The following ZNF804A variants were observed in gnomAD, a reference collection of about 807,000 sequenced individuals.
ZNF804A encodes the protein zinc finger protein 804A.
Under a neutral mutation model 16.5 loss-of-function variants are expected in ZNF804A, and 2 were observed. That is an observed-to-expected ratio of 0.12 (90% CI 0.05 to 0.38). The LOEUF is 0.38. Among genes scored for constraint, ZNF804A ranks in the 10% least tolerant of loss-of-function variants. ZNF804A has a pLI of 0.99. For missense variants in ZNF804A, 1,473 were observed against 1,390.7 expected (o/e 1.06, Z -0.94); for synonymous variants, 534 against 489.6 (o/e 1.09, Z -1.20).
At chr2:184,607,491 C>T (rs1339035582) in intron 1 of ZNF804A, among the ~76,000 whole-genome samples, 3 of 151,836 alleles carry the variant, frequency 2.0e-5, no homozygotes, top group Admixed American at 6.6e-5. Context: ...GAGAAAAGCC[C>T]CTTATAAAAC....
chr2:184,791,561 C>A (rs1694544798), intron 1 of ZNF804A, among the ~76,000 whole-genome samples: 1 of 151,776 alleles, frequency 6.6e-6, no homozygotes, highest in African/African-American at 2.4e-5. Flanking sequence ...GTTTTAGGTT[C>A]ACAGCAAAAT....
chr2:184,733,493 A>G (rs189882534), intron 1 of ZNF804A, among the ~76,000 whole-genome samples: 117 of 152,160 alleles, frequency 7.7e-4, no homozygotes, highest in Non-Finnish European at 1.3e-3. Flanking sequence ...TGGTTTCCTT[A>G]TCTTTGTCTG....
At chr2:184,776,741 G>A (rs1049423044) in intron 1 of ZNF804A, among the ~76,000 whole-genome samples, 1 of 151,418 alleles carries the variant, frequency 6.6e-6, no homozygotes, top group African/African-American at 2.4e-5. Flanking sequence ...CATGGAACTA[G>A]TACCCCAGGG....
chr2:184,767,297 A>G (rs1009361208), intron 1 of ZNF804A, among the ~76,000 whole-genome samples: 6 of 152,182 alleles, frequency 3.9e-5, no homozygotes, highest in Admixed American at 3.3e-4. Flanking sequence ...GAAACATTCT[A>G]CAAAATGGAT....
At chr2:184,900,362 C>T (rs569365714) in intron 2 of ZNF804A, among the ~76,000 whole-genome samples, 1 of 152,166 alleles carries the variant, frequency 6.6e-6, no homozygotes, top group South Asian at 2.1e-4. Context: ...ATATAAATCC[C>T]TGAATTTAAA....
At chr2:184,905,975 C>A (rs912093072) in intron 2 of ZNF804A, among the ~76,000 whole-genome samples, 2 of 152,156 alleles carry the variant, frequency 1.3e-5, no homozygotes, top group Non-Finnish European at 2.9e-5. Flanking sequence ...TTTCATTGAC[C>A]TTCAATGATC....
chr2:184,744,620 T>C (rs946320159), intron 1 of ZNF804A, among the ~76,000 whole-genome samples: 2 of 151,926 alleles, frequency 1.3e-5, no homozygotes, highest in Non-Finnish European at 2.9e-5. Context: ...AATTTCTTTG[T>C]TTTTTAAGCC....
intron 2 of ZNF804A, among the ~76,000 whole-genome samples, chr2:184,926,536 G>C (rs1357930339): frequency 6.6e-6 from 1 of 151,788 alleles, no homozygotes; most frequent in Non-Finnish European, 1.5e-5. Flanking sequence ...CTTGGATATT[G>C]GTAACTTTTT....
intron 2 of ZNF804A, among the ~76,000 whole-genome samples, chr2:184,920,763 A>G (rs971582035): frequency 6.6e-6 from 1 of 152,206 alleles, no homozygotes; most frequent in Non-Finnish European, 1.5e-5. Flanking sequence ...GTTGCTTGGA[A>G]TGGCCTTGGC....
At chr2:184,789,386 C>T (rs567920373) in intron 1 of ZNF804A, among the ~76,000 whole-genome samples, 5 of 152,084 alleles carry the variant, frequency 3.3e-5, no homozygotes, top group South Asian at 2.1e-4. Flanking sequence ...CTTGATTTTT[C>T]GGAATAGTTT....
intron 1 of ZNF804A, among the ~76,000 whole-genome samples, chr2:184,616,675 C>T (rs1460561080): frequency 6.6e-6 from 1 of 152,036 alleles, no homozygotes; most frequent in Non-Finnish European, 1.5e-5. Context: ...ATTTAGTACC[C>T]ATAAATAGCC....
intron 1 of ZNF804A, among the ~76,000 whole-genome samples, chr2:184,848,063 A>G (rs1206368196): frequency 6.6e-6 from 1 of 151,916 alleles, no homozygotes; most frequent in Non-Finnish European, 1.5e-5. Context: ...TTAGCCATTG[A>G]TGATTGACTC....
chr2:184,826,106 G>C (rs1695164374), intron 1 of ZNF804A, among the ~76,000 whole-genome samples: 1 of 151,884 alleles, frequency 6.6e-6, no homozygotes, highest in Non-Finnish European at 1.5e-5. Flanking sequence ...GGCTGGTCTT[G>C]AACTCCTGAC....
intron 2 of ZNF804A, among the ~76,000 whole-genome samples, chr2:184,867,038 T>G (rs1013860963): frequency 9.2e-5 from 14 of 151,972 alleles, no homozygotes; most frequent in Non-Finnish European, 1.6e-4. Flanking sequence ...GATTGAGTAC[T>G]TAATATATCT....
At chr2:184,675,437 A>G (rs1421254712) in intron 1 of ZNF804A, among the ~76,000 whole-genome samples, 1 of 151,860 alleles carries the variant, frequency 6.6e-6, no homozygotes, top group Admixed American at 6.6e-5. Flanking sequence ...TATTACAATG[A>G]TATATTTTAT....
rs544183933 is a variant in ZNF804A at position 184,709,428 on chromosome 2, CT to C, written c.111+110359del. On this transcript the variant is annotated intron_variant, in intron 1 of 3. Transcript: ENST00000302277. ...CTATCTATCTATCTATCTAATACTT[CT>C]GATTTCTCTGAAATTTTTTTCCTGT... is the stretch of plus-strand genomic sequence containing the variant. Among the ~76,000 whole-genome samples the C allele has an allele frequency of 7.9e-5, 12 of 152,054 alleles. No homozygotes were observed. The South Asian group carries it at 2.5e-3, about 32-fold the overall frequency.
chr2:184,860,174 T>G (rs987595226), intron 1 of ZNF804A, among the ~76,000 whole-genome samples: 3 of 152,214 alleles, frequency 2.0e-5, no homozygotes, highest in African/African-American at 4.8e-5. Context: ...GTCCAGGGCA[T>G]GTGGACTTGC....
Position 184,867,499 on chromosome 2 carries a change from C to T in ZNF804A, c.255+987C>T, listed in dbSNP as rs146864323. Reference sequence around the variant, plus strand: ...CTTCCTTTGCTGTCAATCCTGCAGTCGTTCATACCAACTACACTGTGCTTG... The same window carrying T: ...CTTCCTTTGCTGTCAATCCTGCAGTTGTTCATACCAACTACACTGTGCTTG... On this transcript the variant is annotated intron_variant, in intron 2 of 3. Coordinates refer to ENST00000302277, the MANE Select transcript of ZNF804A (RefSeq NM_194250.2). Among the ~76,000 whole-genome samples, 327 of 152,114 alleles carry T rather than the reference C, an allele frequency of 2.1e-3. 1 individual carries two copies. The highest frequency in any genetic ancestry group is 6.8e-3 in the Middle Eastern group (2 of 294).
intron 1 of ZNF804A, among the ~76,000 whole-genome samples, chr2:184,837,195 T>C (rs544108271): frequency 7.2e-5 from 11 of 152,214 alleles, no homozygotes; most frequent in South Asian, 2.1e-4. Flanking sequence ...CTAGGTCTTA[T>C]GTTTCTTGAT....
Sources: gnomAD v4.1 joint callset for allele counts (sites outside exome capture counted in the v4.1 genomes callset) on GRCh38, gnomAD v4.1.1 for gene constraint, MANE v1.5 for transcripts, NCBI Gene and HGNC (gene_info 2026-07-23, HGNC 2026-07-21) for gene names.